MAML3: variants seen among roughly 807,000 people sequenced by gnomAD.
MAML3 encodes mastermind-like protein 3.
MAML3 carries 27 observed loss-of-function variants against 101.9 expected under a neutral mutation model. The ratio of observed to expected loss-of-function variants is 0.27; its 90% CI spans 0.20 to 0.37. The LOEUF (loss-of-function observed/expected upper bound fraction) is 0.37, where lower values mean the gene tolerates loss of function less well. Among genes scored for constraint, MAML3 ranks in the 10% least tolerant of loss-of-function variants. The pLI is 1.00. For missense variants in MAML3, 1,316 were observed against 1,444.9 expected, an observed-to-expected ratio of 0.91 and a Z score of 1.45; for synonymous variants, 501 against 555.9, an observed-to-expected ratio of 0.90 and a Z score of 1.39.
chr4:139,767,989 T>C (rs533013155), intron 2 of MAML3, among the ~76,000 whole-genome samples: 1 of 152,372 alleles, frequency 6.6e-6, no homozygotes, highest in South Asian at 2.1e-4. Flanking sequence ...TATTTTATTT[T>C]CTTTGTAATT....
intron 1 of MAML3, among the ~76,000 whole-genome samples, chr4:140,055,147 G>A (rs1727331462): frequency 6.6e-6 from 1 of 152,080 alleles, no homozygotes; most frequent in Non-Finnish European, 1.5e-5. Context: ...TTATTCTGAT[G>A]AACTCTATTC....
At chr4:139,815,607 A>G (rs1023749753) in intron 2 of MAML3, among the ~76,000 whole-genome samples, 2 of 152,174 alleles carry the variant, frequency 1.3e-5, no homozygotes, top group East Asian at 1.9e-4. Flanking sequence ...AATTAATACA[A>G]TGATCAGTAT....
chr4:140,143,496 C>T (rs1729008384), intron 1 of MAML3, among the ~76,000 whole-genome samples: 1 of 152,206 alleles, frequency 6.6e-6, no homozygotes, highest in South Asian at 2.1e-4. Context: ...GGCGCGGTGG[C>T]TCACACCTGT....
intron 1 of MAML3, among the ~76,000 whole-genome samples, chr4:140,138,073 C>G (rs1728924258): frequency 6.6e-6 from 1 of 152,172 alleles, no homozygotes; most frequent in Admixed American, 6.5e-5. Context: ...ACTAAAAAAG[C>G]AATAGCCCAT....
intron 1 of MAML3, among the ~76,000 whole-genome samples, chr4:140,146,522 TTAAAC>T (rs1729068356): frequency 2.0e-5 from 3 of 151,938 alleles, no homozygotes; most frequent in South Asian, 2.1e-4. Flanking sequence ...AACAAAAAAA[TTAAAC>T]TAAATTAATC....
intron 1 of MAML3, among the ~76,000 whole-genome samples, chr4:140,117,623 A>ATATG (rs1262114189): frequency 6.7e-6 from 1 of 150,302 alleles, no homozygotes; most frequent in Non-Finnish European, 1.5e-5. Flanking sequence ...ATATAAATAT[A>ATATG]TATGTATGTA....
At chr4:140,056,818 A>G (rs1276060711) in intron 1 of MAML3, among the ~76,000 whole-genome samples, 1 of 151,870 alleles carries the variant, frequency 6.6e-6, no homozygotes, top group East Asian at 2.0e-4. Flanking sequence ...CTCAAAAAAA[A>G]AAAAAGGTTC....
chr4:139,892,930 CAAA>C (rs572440211), intron 1 of MAML3, among the ~76,000 whole-genome samples: 2 of 69,868 alleles, frequency 2.9e-5, no homozygotes. Flanking sequence ...GACTCCGTCT[CAAA>C]AAAAAAAAAA....
At chr4:140,028,454 C>T (rs530140312) in intron 1 of MAML3, among the ~76,000 whole-genome samples, 1 of 152,292 alleles carries the variant, frequency 6.6e-6, no homozygotes, top group African/African-American at 2.4e-5. Flanking sequence ...CCATCTCTCT[C>T]CTTCTCTCTC....
chr4:140,094,289 T>C (rs1728112853), intron 1 of MAML3, among the ~76,000 whole-genome samples: 1 of 152,226 alleles, frequency 6.6e-6, no homozygotes, highest in Admixed American at 6.5e-5. Flanking sequence ...CACGTCATCT[T>C]GAGCTGTGCA....
intron 1 of MAML3, among the ~76,000 whole-genome samples, chr4:140,061,905 A>G (rs1444561246): frequency 6.6e-6 from 1 of 152,226 alleles, no homozygotes; most frequent in Non-Finnish European, 1.5e-5. Context: ...ACATTGAATC[A>G]GACAGTTGGT....
At chr4:140,057,537 G>A (rs1414219275) in intron 1 of MAML3, among the ~76,000 whole-genome samples, 1 of 152,052 alleles carries the variant, frequency 6.6e-6, no homozygotes, top group East Asian at 1.9e-4. Context: ...GAAGATTATC[G>A]CTGAAGTAAA....
At chr4:139,948,006 C>A (rs1733761997) in intron 1 of MAML3, among the ~76,000 whole-genome samples, 2 of 152,088 alleles carry the variant, frequency 1.3e-5, no homozygotes, top group Admixed American at 1.3e-4. Context: ...GAGGCTGAGG[C>A]AGGAGAATCG....
chr4:140,136,883 G>T (rs754130973), intron 1 of MAML3, among the ~76,000 whole-genome samples: 3 of 152,240 alleles, frequency 2.0e-5, no homozygotes, highest in Non-Finnish European at 2.9e-5. Flanking sequence ...ACAACCTTAG[G>T]AAATTTAGCA....
At chr4:140,019,332 A>G (rs1726697038) in intron 1 of MAML3, among the ~76,000 whole-genome samples, 1 of 152,198 alleles carries the variant, frequency 6.6e-6, no homozygotes, top group Admixed American at 6.5e-5. Flanking sequence ...TAATTACTTC[A>G]CCATATTACA....
At chr4:139,789,133 G>C (rs1479503201) in intron 2 of MAML3, among the ~76,000 whole-genome samples, 1 of 152,128 alleles carries the variant, frequency 6.6e-6, no homozygotes, top group Non-Finnish European at 1.5e-5. Context: ...CGTTGTATTT[G>C]CTGAACACCT....
At chr4:139,995,052 G>C (rs924637172) in intron 1 of MAML3, among the ~76,000 whole-genome samples, 8 of 152,050 alleles carry the variant, frequency 5.3e-5, no homozygotes, top group Non-Finnish European at 1.2e-4. Flanking sequence ...ATCGGGATGA[G>C]GAAATTTTCT....
At chr4:139,958,038 TAA>T (rs1578616613) in intron 1 of MAML3, among the ~76,000 whole-genome samples, 1 of 152,244 alleles carries the variant, frequency 6.6e-6, no homozygotes, top group African/African-American at 2.4e-5. Context: ...GGAAAATTAC[TAA>T]GTTTTCCTGA....
chr4:140,143,864 C>A (rs1729015156), intron 1 of MAML3, among the ~76,000 whole-genome samples: 2 of 152,236 alleles, frequency 1.3e-5, no homozygotes, highest in South Asian at 4.1e-4. Flanking sequence ...ATGGCGCTGC[C>A]ATGCAACACA....
Sources: allele counts gnomAD v4.1 joint callset (sites outside exome capture counted in the v4.1 genomes callset), GRCh38; gene constraint gnomAD v4.1.1; transcripts MANE v1.5; gene names NCBI Gene and HGNC (gene_info 2026-07-23, HGNC 2026-07-21).